ABHD2: variants seen among roughly 807,000 people sequenced by gnomAD.
ABHD2 encodes monoacylglycerol lipase ABHD2.
ABHD2 carries 20 observed loss-of-function variants against 48.1 expected under a neutral mutation model. The ratio of observed to expected loss-of-function variants is 0.42; its 90% CI spans 0.29 to 0.60. The LOEUF is 0.60. Ranked by LOEUF, ABHD2 falls within the 20% of genes least tolerant of loss-of-function variation. The pLI is 0.24. For missense variants in ABHD2, 405 were observed against 550.9 expected, an observed-to-expected ratio of 0.74 and a Z score of 2.65; for synonymous variants, 209 against 214.2, an observed-to-expected ratio of 0.98 and a Z score of 0.21.
chr15:89,195,748 G>C lies in ABHD2; in HGVS notation c.*325G>C, dbSNP rs149364091. 377 of 261,364 alleles carry C rather than the reference G, an allele frequency of 1.4e-3. 2 individuals are homozygous for C. Among genetic ancestry groups the C allele is most frequent in the African/African-American group, 7.7e-3 (345 of 44,770 alleles). The allele number at this position is 261,364 out of a possible 1,614,324, so 16.2% of individuals were successfully genotyped here. A position where few individuals can be genotyped will look rare whatever the true frequency, so the allele number is the denominator to read the frequency against. On this transcript the variant is annotated 3_prime_UTR_variant, in exon 11 of 11. Coordinates refer to ENST00000352732, the MANE Select transcript of ABHD2 (RefSeq NM_152924.5). This position sits in a 1 kb window ranked among gnomAD's most constrained non-coding sequence, Gnocchi z 5.1. ...TCCCTATTAAAAATGTGTCTGAATA[G>C]CGATTTTGCTTTGCCACCAAAAGGC...
chr15:89,142,316 A>C (rs1169304752), intron 3 of ABHD2, among the ~76,000 whole-genome samples: 1 of 152,266 alleles, frequency 6.6e-6, no homozygotes. Flanking sequence ...TTTATTTATT[A>C]TGCCGTGTTC....
At chr15:89,110,479 CCTTG>C (rs2049856837) in intron 1 of ABHD2, among the ~76,000 whole-genome samples, 1 of 152,132 alleles carries the variant, frequency 6.6e-6, no homozygotes, top group South Asian at 2.1e-4. Context: ...ATGAGGACTT[CCTTG>C]CTTAATTTTT....
At chr15:89,105,124 T>A (rs1176441194) in intron 1 of ABHD2, among the ~76,000 whole-genome samples, 2 of 152,226 alleles carry the variant, frequency 1.3e-5, no homozygotes, top group African/African-American at 4.8e-5. Flanking sequence ...TTGCCTGTGA[T>A]TTTACTAAGT....
chr15:89,149,214 AACAC>A lies in ABHD2; in HGVS notation c.195-2438_195-2435del, dbSNP rs35689320. Among the ~76,000 whole-genome samples, 736 of 148,180 alleles carry A rather than the reference AACAC, an allele frequency of 5.0e-3. 10 individuals carry two copies. The highest frequency in any genetic ancestry group is 0.014 in the African/African-American group (563 of 40,380). ...AGTGATTGTGAGGCAATTGATCCCT[AACAC>A]ACACACACACACACACACACACACT... On this transcript the variant is annotated intron_variant, in intron 3 of 10. Transcript: ENST00000352732.
At position 89,179,634 on chromosome 15, in the gene ABHD2, A is replaced by C. The variant is rs2051075384; in HGVS notation, c.722+3639A>C. Among the ~76,000 whole-genome samples, 1 of 152,194 alleles carries C rather than the reference A, an allele frequency of 6.6e-6. No homozygotes were observed. The highest frequency in any genetic ancestry group is 2.4e-5 in the African/African-American group (1 of 41,454). ...TGTAATAATAATAGGGAAAAAGTAC[A>C]TTATAAATGTAATGTGCTTGAATCA... On this transcript the variant is annotated intron_variant, in intron 6 of 10. Coordinates refer to ENST00000352732, the MANE Select transcript of ABHD2 (RefSeq NM_152924.5). This position sits in a 1 kb window ranked among gnomAD's most constrained non-coding sequence, Gnocchi z 4.3.
In ABHD2 at chr15:89,137,073, T is replaced by A. The variant is rs1250085940; in HGVS notation, c.195-14604T>A. On this transcript the variant is annotated intron_variant, in intron 3 of 10. Transcript: ENST00000352732. The surrounding 1 kb of genome is among the most constrained non-coding windows in gnomAD (Gnocchi z 4.8). Reference sequence around the variant, plus strand: ...AGTGGTGCCTTCTCCTAAAGTTAGGTCACTAATCTTTGACTGGCTGTTTGC... The same window carrying A: ...AGTGGTGCCTTCTCCTAAAGTTAGGACACTAATCTTTGACTGGCTGTTTGC... 2.6e-5 allele frequency among the ~76,000 whole-genome samples: 4 copies of A among 152,198 alleles called. No individual in the cohort carries two copies. Among genetic ancestry groups the A allele is most frequent in the Non-Finnish European group, 5.9e-5 (4 of 68,038 alleles).
rs1365785261 is a variant in ABHD2 at position 89,179,763 on chromosome 15, T to G, written c.722+3768T>G. On this transcript the variant is annotated intron_variant, in intron 6 of 10. Transcript: ENST00000352732. The surrounding 1 kb of genome is among the most constrained non-coding windows in gnomAD (Gnocchi z 4.3). ...CTTCCTTACAGGACAGTAGGGGAAT[T>G]ATCAGAGGAGTGTTTCAAATCTCCT... 6.6e-6 allele frequency among the ~76,000 whole-genome samples: 1 copy of G among 152,144 alleles called. No individual in the cohort carries two copies. The highest frequency in any genetic ancestry group is 1.9e-4 in the East Asian group (1 of 5,192).
In ABHD2 at chr15:89,201,350, C is replaced by T. The variant is rs1204341075; in HGVS notation, c.*5927C>T. ...AGCACTGTGTGGTTGTGGCGTGGGC[C>T]CGTCTTGCTTAGATGCATTCAGTGG... On this transcript the variant is annotated 3_prime_UTR_variant, in exon 11 of 11. Coordinates refer to ENST00000352732, the MANE Select transcript of ABHD2 (RefSeq NM_152924.5). 9 of 1,040,080 alleles carry T rather than the reference C, an allele frequency of 8.7e-6. No individual in the cohort carries two copies. Among genetic ancestry groups the T allele is most frequent in the Non-Finnish European group, 1.3e-5 (9 of 672,408 alleles). 64.4% of individuals were successfully genotyped at this position (1,040,080 alleles called of 1,614,324 possible).
chr15:89,071,049 C>G, the ABHD2 span, among the ~76,000 whole-genome samples: 4 of 152,124 alleles, frequency 2.6e-5, no homozygotes, highest in African/African-American at 9.7e-5. Flanking sequence ...GTCTGTTTTG[C>G]TGAACCCTAA....
At chr15:89,059,472 C>T in the ABHD2 span, among the ~76,000 whole-genome samples, 1 of 152,124 alleles carries the variant, frequency 6.6e-6, no homozygotes, top group Non-Finnish European at 1.5e-5. Flanking sequence ...GATCATTGGT[C>T]ACAACTCATA....
At chr15:89,111,125 T>C (rs772134948) in intron 1 of ABHD2, among the ~76,000 whole-genome samples, 9 of 152,232 alleles carry the variant, frequency 5.9e-5, no homozygotes. Flanking sequence ...TTATCACATA[T>C]ATAATTGTTG....
At chr15:89,099,717 C>G (rs1465481159) in intron 1 of ABHD2, among the ~76,000 whole-genome samples, 1 of 152,032 alleles carries the variant, frequency 6.6e-6, no homozygotes, top group South Asian at 2.1e-4. Flanking sequence ...GCCAGGAGTT[C>G]AAGACCATCC....
Position 89,164,486 on chromosome 15 carries a change from T to C in ABHD2, c.538+8952T>C, listed in dbSNP as rs1015220520. ...TGGTCGAGAAAGCTGAGAAAGACTGTTAAGAAATTTGGCAATAAGTCCCAG... is the reference window on the plus strand; with the variant it reads ...TGGTCGAGAAAGCTGAGAAAGACTGCTAAGAAATTTGGCAATAAGTCCCAG... On this transcript the variant is annotated intron_variant, in intron 5 of 10. Transcript: ENST00000352732. This position sits in a 1 kb window ranked among gnomAD's most constrained non-coding sequence, Gnocchi z 5.0. Among the ~76,000 whole-genome samples, 3 of 151,990 alleles carry C rather than the reference T, an allele frequency of 2.0e-5. No homozygotes were observed. Among genetic ancestry groups the C allele is most frequent in the African/African-American group, 7.3e-5 (3 of 41,376 alleles).
At position 89,186,629 on chromosome 15, in the gene ABHD2, T is replaced by C. The variant is rs990207967; in HGVS notation, c.815+1113T>C. Among the ~76,000 whole-genome samples, 2 of 152,144 alleles carry C rather than the reference T, an allele frequency of 1.3e-5. No homozygotes were observed. The highest frequency in any genetic ancestry group is 4.8e-5 in the African/African-American group (2 of 41,420). On this transcript the variant is annotated intron_variant, in intron 7 of 10. Coordinates refer to ENST00000352732, the MANE Select transcript of ABHD2 (RefSeq NM_152924.5). This position sits in a 1 kb window ranked among gnomAD's most constrained non-coding sequence, Gnocchi z 4.3. ...CAAGTTGCTTTTCTTTTGCTTCCCC[T>C]CTGTAAATCCTACGTCTAGAACCAA...
In ABHD2 at chr15:89,195,273, C is replaced by G; in HGVS notation, c.1128C>G (p.His376Gln). Residue 376 changes from histidine to glutamine, a missense_variant, in exon 11 of 11, where the codon CAC (histidine) becomes CAG (glutamine). Transcript: ENST00000352732. The surrounding 1 kb of genome is among the most constrained non-coding windows in gnomAD (Gnocchi z 5.1). ...VMFVLPLHGGHLGFFEGSVLF... is the reference protein window; with the variant it reads ...VMFVLPLHGGQLGFFEGSVLF... The stretch of plus-strand genomic sequence containing the variant: ...TTGTGCTGCCTCTGCATGGGGGCCA[C>G]TTGGGCTTCTTTGAGGGCTCTGTGC... 6.2e-7 allele frequency: 1 copy of G among 1,614,210 alleles called. No individual in the cohort carries two copies. Among genetic ancestry groups the G allele is most frequent in the Non-Finnish European group, 8.5e-7 (1 of 1,180,030 alleles).
chr15:89,064,856 G>T, the ABHD2 span, among the ~76,000 whole-genome samples: 1 of 152,020 alleles, frequency 6.6e-6, no homozygotes, highest in African/African-American at 2.4e-5. Context: ...CTAACAAAAT[G>T]AACAGTCTGT....
rs920938142 is a variant in ABHD2, at chr15:89,120,431, T to A, written c.194+3910T>A. On this transcript the variant is annotated intron_variant, in intron 3 of 10. Coordinates refer to ENST00000352732, the MANE Select transcript of ABHD2 (RefSeq NM_152924.5). This position sits in a 1 kb window ranked among gnomAD's most constrained non-coding sequence, Gnocchi z 4.2. Reference sequence around the variant, plus strand: ...AAACTTTGATGCATATTCATTTTTTTAAATGGAAAAGGTAGAGCACACAAA... The same window carrying A: ...AAACTTTGATGCATATTCATTTTTTAAAATGGAAAAGGTAGAGCACACAAA... Among the ~76,000 whole-genome samples, 1 of 152,218 alleles carries A rather than the reference T, an allele frequency of 6.6e-6. No homozygotes were observed. Among genetic ancestry groups the A allele is most frequent in the South Asian group, 2.1e-4 (1 of 4,836 alleles).
intron 3 of ABHD2, chr15:89,135,871 A>G: frequency 1.5e-6 from 1 of 686,748 alleles, no homozygotes. Context: ...AACAGGACAG[A>G]ACAGAACAGG....
At chr15:89,147,253 A>C (rs922253951) in intron 3 of ABHD2, among the ~76,000 whole-genome samples, 52 of 152,204 alleles carry the variant, frequency 3.4e-4, no homozygotes, top group Non-Finnish European at 5.3e-4. Context: ...TCATTTTATA[A>C]AAGTAAGTGG....
Sources: gnomAD v4.1 joint callset for allele counts (sites outside exome capture counted in the v4.1 genomes callset) on GRCh38, gnomAD v4.1.1 for gene constraint, Gnocchi (gnomAD v3.1) non-coding constraint, MANE v1.5 for transcripts, NCBI Gene and HGNC (gene_info 2026-07-23, HGNC 2026-07-21) for gene names.